PDE1A: variants seen among roughly 807,000 people sequenced by gnomAD.
PDE1A encodes the protein dual specificity calcium/calmodulin-dependent 3',5'-cyclic nucleotide phosphodiesterase 1A.
In PDE1A, 35 loss-of-function variants were observed where a neutral mutation model predicts 61.7. The observed-to-expected ratio is 0.57, with a 90% CI of 0.43 to 0.75. The LOEUF (loss-of-function observed/expected upper bound fraction) is 0.75. Among genes scored for constraint, PDE1A ranks in the 30% least tolerant of loss-of-function variants. The pLI is 0.00. For missense variants in PDE1A, 597 were observed against 630.6 expected, an observed-to-expected ratio of 0.95 and a Z score of 0.57; for synonymous variants, 232 against 213.2, an observed-to-expected ratio of 1.09 and a Z score of -0.77.
intron 13 of PDE1A, 180 bp downstream of exon 13, chr2:182,185,712 T>C: frequency 8.2e-7 from 1 of 1,214,994 alleles, no homozygotes. Flanking sequence ...AACCAGAACC[T>C]CTTTTTATCT....
the PDE1A span, among the ~76,000 whole-genome samples, chr2:182,688,759 T>G: frequency 2.0e-5 from 3 of 152,086 alleles, no homozygotes; most frequent in African/African-American, 7.2e-5. Context: ...TCAAGACCCA[T>G]CAGTCTGCTG....
intron 2 of PDE1A, among the ~76,000 whole-genome samples, chr2:182,487,554 A>G (rs1194988566): frequency 6.6e-6 from 1 of 152,178 alleles, no homozygotes; most frequent in Non-Finnish European, 1.5e-5. Context: ...ATTGAAAACT[A>G]TTCAGATATA....
the PDE1A span, among the ~76,000 whole-genome samples, chr2:182,653,640 T>G: frequency 1.3e-5 from 2 of 152,186 alleles, no homozygotes; most frequent in Admixed American, 6.5e-5. Context: ...AGTTTCATCT[T>G]CAGGATGGAA....
chr2:182,416,235 ACTGT>A (rs1483734933), intron 1 of PDE1A, among the ~76,000 whole-genome samples: 1 of 152,230 alleles, frequency 6.6e-6, no homozygotes, highest in Admixed American at 6.5e-5. Context: ...TAGATGTTTA[ACTGT>A]CTATTTCTCA....
intron 1 of PDE1A, among the ~76,000 whole-genome samples, chr2:182,421,437 A>G (rs1417079315): frequency 6.6e-6 from 1 of 152,200 alleles, no homozygotes; most frequent in East Asian, 1.9e-4. Flanking sequence ...AGTTATCCAA[A>G]AGATTACATG....
the PDE1A span, among the ~76,000 whole-genome samples, chr2:182,713,698 C>G: frequency 6.6e-6 from 1 of 151,378 alleles, no homozygotes; most frequent in Non-Finnish European, 1.5e-5. Context: ...CTCTTGACTC[C>G]ATCCCTCTCA....
At chr2:182,376,355 T>A (rs1200020690) in intron 1 of PDE1A, among the ~76,000 whole-genome samples, 1 of 152,140 alleles carries the variant, frequency 6.6e-6, no homozygotes, top group Non-Finnish European at 1.5e-5. Context: ...ACATCATCTC[T>A]CTCAAGTACA....
At chr2:182,459,622 C>T (rs1309070225) in intron 2 of PDE1A, among the ~76,000 whole-genome samples, 1 of 152,098 alleles carries the variant, frequency 6.6e-6, no homozygotes, top group Non-Finnish European at 1.5e-5. Context: ...TGCTCAAGAG[C>T]ATCAGTTGAC....
intron 1 of PDE1A, among the ~76,000 whole-genome samples, chr2:182,275,048 C>T (rs1170714332): frequency 6.6e-6 from 1 of 152,088 alleles, no homozygotes; most frequent in Admixed American, 6.6e-5. Context: ...AAGTTTAATT[C>T]TTGCAATTGA....
the PDE1A span, among the ~76,000 whole-genome samples, chr2:182,573,949 A>G: frequency 1.0e-4 from 13 of 126,064 alleles, no homozygotes; most frequent in African/African-American, 4.3e-4. Flanking sequence ...TTTATATATT[A>G]TATATATTTA....
intron 10 of PDE1A, among the ~76,000 whole-genome samples, chr2:182,195,289 C>T (rs1686046056): frequency 6.6e-6 from 1 of 152,042 alleles, no homozygotes; most frequent in African/African-American, 2.4e-5. Context: ...CAATTCCTCA[C>T]ATTTGAAGCC....
intron 7 of PDE1A, among the ~76,000 whole-genome samples, chr2:182,213,173 G>T (rs1331270995): frequency 3.3e-5 from 5 of 150,362 alleles, no homozygotes; most frequent in Middle Eastern, 3.2e-3. Context: ...ACCTCACACG[G>T]CAGGGTATTC....
At chr2:182,408,221 C>A (rs1310935350) in intron 1 of PDE1A, among the ~76,000 whole-genome samples, 1 of 149,730 alleles carries the variant, frequency 6.7e-6, no homozygotes, top group African/African-American at 2.4e-5. Flanking sequence ...CTAAATCCCT[C>A]CCACCTTTTA....
At chr2:182,558,702 C>A in the PDE1A span, among the ~76,000 whole-genome samples, 1 of 152,128 alleles carries the variant, frequency 6.6e-6, no homozygotes, top group Non-Finnish European at 1.5e-5. Context: ...AAAAGCCATG[C>A]CAAAGACAAA....
rs1457125520 is a variant in PDE1A, at chr2:182,432,813, TCTC to T, written c.101+89460_101+89462del. Among the ~76,000 whole-genome samples the T allele has an allele frequency of 3.9e-5, 6 of 152,076 alleles. No individual in the cohort carries two copies. In the East Asian group the frequency reaches 1.2e-3, roughly 30 times the overall value. ...CAGCCCCAAACCTGCAGGTCCCTGA[TCTC>T]CTTTATGTCCTCTGGTCTCTGCAAC... On this transcript the variant is annotated intron_variant, in intron 2 of 14. Transcript: ENST00000410103.
At position 182,520,048 on chromosome 2, in the gene PDE1A, A is replaced by G. The variant is rs569752798; in HGVS notation, c.101+2228T>C. ...ATGAGTAGCATGATTTTAATTGCCA[A>G]AACTTAAGTGTAGAATTCTAGTACC... On this transcript the variant is annotated intron_variant, in intron 2 of 14. Coordinates refer to the PDE1A transcript ENST00000410103. 4.6e-5 allele frequency among the ~76,000 whole-genome samples: 7 copies of G among 152,038 alleles called. 1 individual carries two copies. The South Asian group carries it at 1.4e-3, about 31-fold the overall frequency.
At chr2:182,695,573 A>T in the PDE1A span, among the ~76,000 whole-genome samples, 3 of 150,576 alleles carry the variant, frequency 2.0e-5, no homozygotes, top group Non-Finnish European at 3.0e-5. Flanking sequence ...AGGCTGAGGC[A>T]GGAGAATGGC....
At chr2:182,360,848 C>T (rs143187643) in intron 1 of PDE1A, among the ~76,000 whole-genome samples, 29 of 151,996 alleles carry the variant, frequency 1.9e-4, no homozygotes, top group African/African-American at 5.3e-4. Context: ...TAAAATATTA[C>T]TTGTAAACAA....
the PDE1A span, among the ~76,000 whole-genome samples, chr2:182,609,886 G>A: frequency 6.6e-6 from 1 of 152,140 alleles, no homozygotes; most frequent in African/African-American, 2.4e-5. Flanking sequence ...TCAGGAGTTC[G>A]AGACCAGCGT....
Sources: allele counts gnomAD v4.1 joint callset (sites outside exome capture counted in the v4.1 genomes callset), GRCh38; gene constraint gnomAD v4.1.1; transcripts MANE v1.5; gene names NCBI Gene and HGNC (gene_info 2026-07-23, HGNC 2026-07-21).